Variants in OPHN1 observed in about 807,000 individuals in gnomAD.
OPHN1 encodes the protein oligophrenin 1.
OPHN1 carries 11 observed loss-of-function variants against 60.7 expected under a neutral mutation model. The observed-to-expected ratio is 0.18, with a 90% confidence interval of 0.11 to 0.30. The LOEUF (loss-of-function observed/expected upper bound fraction) is 0.30, where lower values mean the gene tolerates loss of function less well. OPHN1 is among the 10% of genes least tolerant of loss of function. OPHN1 has a pLI of 1.00. For missense variants in OPHN1, 449 were observed against 611.0 expected, an observed-to-expected ratio of 0.73 and a Z score of 2.80; for synonymous variants, 226 against 222.6, an observed-to-expected ratio of 1.02 and a Z score of -0.14.
chrX:68,281,788 G>A (rs1229245719), intron 4 of OPHN1, among the ~76,000 whole-genome samples: 4 of 112,228 alleles, frequency 3.6e-5, no homozygotes, highest in South Asian at 3.6e-4. Context: ...AGGATATACC[G>A]ATGGCAGTTA....
At chrX:68,071,342 C>A in intron 20 of OPHN1, 1 of 736,400 alleles carries the variant, frequency 1.4e-6, no homozygotes, top group Non-Finnish European at 2.2e-6. Flanking sequence ...TCTATTTTGG[C>A]GGGCTCACTT....
At chrX:68,355,189 C>A (rs2078434142) in intron 2 of OPHN1, among the ~76,000 whole-genome samples, 1 of 112,585 alleles carries the variant, frequency 8.9e-6, no homozygotes, top group Non-Finnish European at 1.9e-5. Flanking sequence ...AAAGGAAAAT[C>A]TTTCTAGTTG....
At chrX:68,091,720 TC>T (rs1440684189) in intron 19 of OPHN1, among the ~76,000 whole-genome samples, 2 of 110,936 alleles carry the variant, frequency 1.8e-5, no homozygotes, top group Non-Finnish European at 3.8e-5. Flanking sequence ...ACCTCTCTCT[TC>T]CCCACTAATT....
At chrX:68,232,190 C>G (rs1489287059) in intron 6 of OPHN1, among the ~76,000 whole-genome samples, 2 of 111,662 alleles carry the variant, frequency 1.8e-5, no homozygotes, top group African/African-American at 3.3e-5. Flanking sequence ...GCAAAAGTCT[C>G]CAATAGTTTG....
chrX:68,297,142 C>T, intron 3 of OPHN1, among the ~76,000 whole-genome samples: 1 of 111,443 alleles, frequency 9.0e-6, no homozygotes, highest in African/African-American at 3.3e-5. Context: ...CATGTATCTC[C>T]CAATCTTCCA....
chrX:68,052,107 T>C (rs1398065851), intron 23 of OPHN1, among the ~76,000 whole-genome samples: 1 of 111,039 alleles, frequency 9.0e-6, no homozygotes, highest in Non-Finnish European at 1.9e-5. Flanking sequence ...CTGGCCAACA[T>C]GGCAAAACCC....
intron 2 of OPHN1, among the ~76,000 whole-genome samples, chrX:68,397,523 TA>T (rs199879660): frequency 0.48 from 25,212 of 52,289 alleles, 6,563 homozygotes; most frequent in Non-Finnish European, 0.63. Flanking sequence ...TTTATTTATT[TA>T]TTTTTTTTTT....
chrX:68,153,136 G>A (rs1313337338), intron 15 of OPHN1, among the ~76,000 whole-genome samples: 4 of 106,704 alleles, frequency 3.7e-5, no homozygotes, highest in Admixed American at 2.0e-4. Context: ...ACTTGAACCC[G>A]GGAGGCGGAG....
chrX:68,131,292 C>T (rs1305658449), intron 15 of OPHN1, among the ~76,000 whole-genome samples: 1 of 109,263 alleles, frequency 9.2e-6, no homozygotes, highest in Admixed American at 9.9e-5. Flanking sequence ...AATCTCGGCT[C>T]ACTGCAACCT....
intron 2 of OPHN1, among the ~76,000 whole-genome samples, chrX:68,307,280 C>CAAA (rs1170857593): frequency 3.1e-5 from 3 of 96,004 alleles, no homozygotes; most frequent in African/African-American, 1.3e-4. Flanking sequence ...CTGTCTCTAC[C>CAAA]AAAAAAAAAA....
At chrX:68,378,565 G>C (rs1471581889) in intron 2 of OPHN1, among the ~76,000 whole-genome samples, 1 of 111,680 alleles carries the variant, frequency 9.0e-6, no homozygotes, top group Non-Finnish European at 1.9e-5. Flanking sequence ...TACGGTTTTA[G>C]GTCTAATGTT....
At chrX:68,055,637 T>C (rs1435867480) in intron 21 of OPHN1, among the ~76,000 whole-genome samples, 1 of 112,050 alleles carries the variant, frequency 8.9e-6, no homozygotes, top group Non-Finnish European at 1.9e-5. Flanking sequence ...CATGCTACTA[T>C]AAAGATACAT....
At chrX:68,135,861 A>G (rs1000823341) in intron 15 of OPHN1, among the ~76,000 whole-genome samples, 6 of 112,135 alleles carry the variant, frequency 5.4e-5, no homozygotes, top group African/African-American at 9.7e-5. Flanking sequence ...AGAAAGATCA[A>G]TAGTTCATTT....
rs763109419 is a variant in OPHN1 at position 68,339,849 on chromosome X, C to T, written c.155-40753G>A. Among the ~76,000 whole-genome samples, 10 of 111,664 alleles carry T rather than the reference C, an allele frequency of 9.0e-5. No individual in the cohort carries two copies. In the South Asian group the frequency reaches 3.4e-3, roughly 38 times the overall value. On this transcript the variant is annotated intron_variant, in intron 2 of 24. Coordinates refer to ENST00000355520, the MANE Select transcript of OPHN1 (RefSeq NM_002547.3). ...AACTCCTGACCTCAAGTGATCTGCC[C>T]GCCTCAGCCTCCCAAAGTACTGGAA...
At position 68,222,537 on chromosome X, in the gene OPHN1, C is replaced by T. The variant is rs1484555543; in HGVS notation, c.487-8565G>A. ...AAGACTTGGAACCAACCCAAATGTC[C>T]AACAATGATAGACTGGATTAAGAAA... is the stretch of plus-strand genomic sequence containing the variant. On this transcript the variant is annotated intron_variant, in intron 6 of 24. Transcript: ENST00000355520. 3.0e-5 allele frequency among the ~76,000 whole-genome samples: 3 copies of T among 100,699 alleles called. No individual in the cohort carries two copies. In the East Asian group the frequency reaches 9.7e-4, roughly 33 times the overall value. 87.4% of individuals were successfully genotyped at this position (100,699 alleles called of 115,157 possible).
chrX:68,188,141 T>A (rs2077471902), intron 15 of OPHN1, among the ~76,000 whole-genome samples: 1 of 112,071 alleles, frequency 8.9e-6, no homozygotes, highest in African/African-American at 3.2e-5. Flanking sequence ...TTAAAATACC[T>A]TTAAGAGAAA....
chrX:68,062,172 C>T (rs997520478), intron 21 of OPHN1, among the ~76,000 whole-genome samples: 1 of 111,938 alleles, frequency 8.9e-6, no homozygotes, highest in African/African-American at 3.3e-5. Context: ...TGCTATCCTA[C>T]CTTCTCCCAA....
At chrX:68,314,481 A>G (rs1166316345) in intron 2 of OPHN1, among the ~76,000 whole-genome samples, 1 of 110,520 alleles carries the variant, frequency 9.0e-6, no homozygotes, top group Non-Finnish European at 1.9e-5. Context: ...AGATCGTGCT[A>G]TTGCACTCCA....
intron 15 of OPHN1, among the ~76,000 whole-genome samples, chrX:68,188,662 C>T (rs748537542): frequency 8.9e-6 from 1 of 111,890 alleles, no homozygotes; most frequent in South Asian, 3.8e-4. Flanking sequence ...AGTTCTGCAA[C>T]TCCTGAAGTG....
Sources: allele counts gnomAD v4.1 joint callset (sites outside exome capture counted in the v4.1 genomes callset), GRCh38; gene constraint gnomAD v4.1.1; transcripts MANE v1.5; gene names NCBI Gene and HGNC (gene_info 2026-07-23, HGNC 2026-07-21).